Variants in SNX29 observed in about 807,000 individuals in gnomAD.
SNX29 encodes sorting nexin 29.
A neutral mutation model predicts 102.1 loss-of-function variants in SNX29; 78 were observed. The observed-to-expected ratio is 0.76, with a 90% CI of 0.64 to 0.92. The LOEUF is 0.92. SNX29 is among the 40% of genes least tolerant of loss of function. The pLI, the probability that SNX29 is intolerant of heterozygous loss-of-function variation, is 0.00. For missense variants in SNX29, 1,280 were observed against 1,061.7 expected (o/e 1.21, Z -2.86); for synonymous variants, 580 against 414.5 (o/e 1.40, Z -4.85).
chr16:12,481,539 CACACACACACA>C (rs1567608620), intron 19 of SNX29, among the ~76,000 whole-genome samples: 10 of 151,136 alleles, frequency 6.6e-5, no homozygotes, highest in East Asian at 5.9e-4. Flanking sequence ...CACACACACA[CACACACACACA>C]CACACCCCAA....
intron 10 of SNX29, among the ~76,000 whole-genome samples, chr16:12,073,886 C>T (rs983700967): frequency 2.0e-5 from 3 of 151,828 alleles, no homozygotes; most frequent in African/African-American, 7.3e-5. Flanking sequence ...GGATAGTTAG[C>T]TCTTCTTGTT....
At chr16:12,366,137 T>C (rs1191985780) in intron 16 of SNX29, among the ~76,000 whole-genome samples, 1 of 149,148 alleles carries the variant, frequency 6.7e-6, no homozygotes, top group Non-Finnish European at 1.5e-5. Flanking sequence ...GGACCTGGGG[T>C]TCTGTGATGC....
chr16:12,252,640 C>T (rs1282060980), intron 14 of SNX29, among the ~76,000 whole-genome samples: 3 of 152,376 alleles, frequency 2.0e-5, no homozygotes, highest in East Asian at 1.9e-4. Flanking sequence ...CTCCTGTCTG[C>T]ACCAGGTGAC....
intron 20 of SNX29, among the ~76,000 whole-genome samples, chr16:12,549,116 A>G (rs1567173983): frequency 1.3e-5 from 2 of 152,192 alleles, no homozygotes; most frequent in Admixed American, 1.3e-4. Flanking sequence ...GGGACATAGC[A>G]GATGGAAAAT....
chr16:12,105,072 G>A (rs2053174774), intron 11 of SNX29, among the ~76,000 whole-genome samples: 1 of 152,170 alleles, frequency 6.6e-6, no homozygotes, highest in African/African-American at 2.4e-5. Flanking sequence ...TGGAATTCCA[G>A]GGAAGTCAGC....
chr16:12,457,605 C>T (rs921816836), intron 18 of SNX29, among the ~76,000 whole-genome samples: 4 of 152,226 alleles, frequency 2.6e-5, no homozygotes, highest in Admixed American at 2.6e-4. Context: ...CCACCACTCA[C>T]TCTGGGTCTT....
chr16:12,223,130 T>C (rs934364398), intron 14 of SNX29, among the ~76,000 whole-genome samples: 2 of 152,190 alleles, frequency 1.3e-5, no homozygotes, highest in Admixed American at 6.5e-5. Flanking sequence ...AGTCAGACCA[T>C]GTAAGGGTGA....
intron 18 of SNX29, among the ~76,000 whole-genome samples, chr16:12,433,911 C>G (rs1031132724): frequency 9.9e-5 from 15 of 152,216 alleles, no homozygotes; most frequent in Admixed American, 9.2e-4. Flanking sequence ...TGTTTTCATT[C>G]CTGATGCTTA....
intron 11 of SNX29, among the ~76,000 whole-genome samples, chr16:12,113,689 G>T (rs1282369670): frequency 6.6e-6 from 1 of 152,222 alleles, no homozygotes; most frequent in Non-Finnish European, 1.5e-5. Context: ...CTGTGCATGA[G>T]GCCAGTGACA....
intron 11 of SNX29, chr16:12,088,286 G>C (rs778003044): frequency 3.6e-5 from 13 of 361,722 alleles, no homozygotes; most frequent in African/African-American, 1.7e-4. Flanking sequence ...AGCAGGGGCG[G>C]GTGTTGGGTG....
intron 16 of SNX29, among the ~76,000 whole-genome samples, 159 bp from the exon 17 acceptor site, chr16:12,398,287 C>T (rs994802442): frequency 1.3e-5 from 2 of 152,194 alleles, no homozygotes; most frequent in Non-Finnish European, 2.9e-5. Flanking sequence ...AACCATCCCT[C>T]CACACAATCT....
intron 17 of SNX29, 45 bp downstream of exon 17, chr16:12,398,546 A>G: frequency 6.2e-7 from 1 of 1,607,764 alleles, no homozygotes; most frequent in Non-Finnish European, 8.5e-7. Context: ...TAGAAACTGG[A>G]CTCTGTTGTT....
chr16:12,252,939 T>C (rs149800754), intron 14 of SNX29, among the ~76,000 whole-genome samples: 12 of 152,354 alleles, frequency 7.9e-5, no homozygotes, highest in African/African-American at 2.6e-4. Flanking sequence ...CAAGCCATCT[T>C]TTTTTGTGAC....
At chr16:12,471,214 C>A (rs1047648439) in intron 18 of SNX29, among the ~76,000 whole-genome samples, 1 of 152,196 alleles carries the variant, frequency 6.6e-6, no homozygotes, top group Non-Finnish European at 1.5e-5. Flanking sequence ...GTCTGCCTGA[C>A]TCCCTCCCCA....
At chr16:12,164,008 C>T (rs942234479) in intron 13 of SNX29, among the ~76,000 whole-genome samples, 3 of 152,152 alleles carry the variant, frequency 2.0e-5, no homozygotes, top group African/African-American at 7.2e-5. Context: ...TGATGTGAAT[C>T]TGCAAAGGAC....
intron 13 of SNX29, among the ~76,000 whole-genome samples, chr16:12,146,051 G>C (rs1022326446): frequency 1.3e-5 from 2 of 152,206 alleles, no homozygotes; most frequent in Non-Finnish European, 2.9e-5. Context: ...AGCGGTGAGT[G>C]AGAGAGCCTG....
chr16:12,154,356 G>GT (rs1342712910), intron 13 of SNX29, among the ~76,000 whole-genome samples: 2 of 152,150 alleles, frequency 1.3e-5, no homozygotes, highest in Non-Finnish European at 2.9e-5. Flanking sequence ...ACCCCCCACA[G>GT]TGGGAGCTGG....
chr16:12,127,614 G>T (rs2054275255), intron 12 of SNX29, among the ~76,000 whole-genome samples: 1 of 152,086 alleles, frequency 6.6e-6, no homozygotes, highest in Admixed American at 6.5e-5. Flanking sequence ...TAGAGTTGGG[G>T]TTTTGACAGG....
At chr16:12,345,714 T>C (rs188455334) in intron 15 of SNX29, among the ~76,000 whole-genome samples, 1 of 152,210 alleles carries the variant, frequency 6.6e-6, no homozygotes, top group East Asian at 1.9e-4. Context: ...GTGGATAGCA[T>C]TTTAGGATGT....
Sources: allele counts gnomAD v4.1 joint callset (sites outside exome capture counted in the v4.1 genomes callset), GRCh38; gene constraint gnomAD v4.1.1; transcripts MANE v1.5; gene names NCBI Gene and HGNC (gene_info 2026-07-23, HGNC 2026-07-21).